ZNF385D: variants seen among roughly 807,000 people sequenced by gnomAD.
ZNF385D encodes the protein zinc finger protein 385D, also known as zinc finger protein 659.
ZNF385D carries 15 observed loss-of-function variants against 35.8 expected under a neutral mutation model. That is an observed-to-expected ratio of 0.42 (90% CI 0.28 to 0.64). The LOEUF is 0.64. Among genes scored for constraint, ZNF385D ranks in the 30% least tolerant of loss-of-function variants. The pLI is 0.23. For missense variants in ZNF385D, 474 were observed against 494.6 expected (o/e 0.96, Z 0.39); for synonymous variants, 212 against 186.8 (o/e 1.13, Z -1.10).
At chr3:22,276,665 C>T (rs1312879693) in intron 2 of ZNF385D, among the ~76,000 whole-genome samples, 1 of 152,118 alleles carries the variant, frequency 6.6e-6, no homozygotes, top group African/African-American at 2.4e-5. Context: ...CAATCATCAT[C>T]ATGCATTTCA....
chr3:21,496,716 C>A (rs192892645), intron 4 of ZNF385D, among the ~76,000 whole-genome samples: 4 of 151,670 alleles, frequency 2.6e-5, no homozygotes, highest in Admixed American at 1.3e-4. Flanking sequence ...ATCAAATAGG[C>A]TTTCTCCCTG....
intron 2 of ZNF385D, among the ~76,000 whole-genome samples, chr3:22,169,636 T>C (rs112506100): frequency 3.4e-3 from 511 of 152,308 alleles, no homozygotes; most frequent in African/African-American, 0.012. Context: ...AGAGAGGCTT[T>C]GAATACCCAA....
rs118116061 is a variant in ZNF385D at position 22,339,629 on chromosome 3, A to G, written c.106+32821T>C. Among the ~76,000 whole-genome samples the G allele has an allele frequency of 4.4e-3, 669 of 152,328 alleles. 10 individuals are homozygous for G. In the East Asian group the frequency reaches 0.053, roughly 12 times the overall value. ...AATAAAGTAGTACCTCTTCCTTGAA[A>G]AGAAAGGCGATTATCCTTGCTACTG... On this transcript the variant is annotated intron_variant, in intron 2 of 5. Transcript: ENST00000494108.
At chr3:21,473,505 G>GTTT (rs2125351923) in intron 4 of ZNF385D, among the ~76,000 whole-genome samples, 1 of 152,134 alleles carries the variant, frequency 6.6e-6, no homozygotes, top group Admixed American at 6.6e-5. Flanking sequence ...GTTGTAGGGT[G>GTTT]TCTCCCTGAT....
At chr3:21,705,441 A>G (rs1387151022) in intron 1 of ZNF385D, among the ~76,000 whole-genome samples, 1 of 152,234 alleles carries the variant, frequency 6.6e-6, no homozygotes, top group African/African-American at 2.4e-5. Context: ...AAAACTGCAA[A>G]TTAGAAACAA....
At chr3:21,511,825 T>C (rs1002929401) in intron 3 of ZNF385D, 1 of 388,958 alleles carries the variant, frequency 2.6e-6, no homozygotes, top group African/African-American at 3.0e-5. Flanking sequence ...CTAAGAGCAT[T>C]TTTTTTTTTT....
intron 3 of ZNF385D, among the ~76,000 whole-genome samples, chr3:22,118,029 T>C (rs1702896815): frequency 6.6e-6 from 1 of 152,094 alleles, no homozygotes; most frequent in African/African-American, 2.4e-5. Context: ...ATAAAACCTG[T>C]GATTTGTAAC....
chr3:21,652,841 C>T (rs997709379), intron 2 of ZNF385D, among the ~76,000 whole-genome samples: 1 of 152,128 alleles, frequency 6.6e-6, no homozygotes, highest in South Asian at 2.1e-4. Context: ...AATACAAAAG[C>T]TATATAGATG....
chr3:21,746,024 A>G (rs1336646049), intron 1 of ZNF385D, among the ~76,000 whole-genome samples: 3 of 152,172 alleles, frequency 2.0e-5, no homozygotes, highest in Non-Finnish European at 4.4e-5. Flanking sequence ...TATTAAGTCT[A>G]TATATATAAC....
At chr3:22,250,158 T>C (rs1000228110) in intron 2 of ZNF385D, among the ~76,000 whole-genome samples, 2 of 152,168 alleles carry the variant, frequency 1.3e-5, no homozygotes, top group African/African-American at 2.4e-5. Context: ...ATTTTATTTA[T>C]ATGTAGCAAA....
intron 2 of ZNF385D, among the ~76,000 whole-genome samples, chr3:22,371,905 GT>G (rs201227828): frequency 1.3e-5 from 2 of 152,068 alleles, no homozygotes; most frequent in African/African-American, 2.4e-5. Flanking sequence ...TGTATCTCAG[GT>G]TTTTTTAAGT....
intron 2 of ZNF385D, among the ~76,000 whole-genome samples, chr3:22,212,638 C>T (rs973176154): frequency 6.6e-5 from 10 of 151,856 alleles, no homozygotes; most frequent in Non-Finnish European, 5.9e-5. Flanking sequence ...AAAGGCCATT[C>T]CTAATGCCAA....
intron 1 of ZNF385D, among the ~76,000 whole-genome samples, chr3:21,719,234 C>T (rs1199526172): frequency 6.6e-6 from 1 of 152,218 alleles, no homozygotes; most frequent in African/African-American, 2.4e-5. Flanking sequence ...CCTCAATCAG[C>T]ATCAGATCCC....
intron 3 of ZNF385D, among the ~76,000 whole-genome samples, chr3:21,783,414 G>C (rs1453115953): frequency 6.6e-6 from 1 of 152,044 alleles, no homozygotes; most frequent in Non-Finnish European, 1.5e-5. Context: ...AGTAGGAGAA[G>C]GGAAACAGCA....
intron 3 of ZNF385D, among the ~76,000 whole-genome samples, chr3:21,805,624 A>G (rs1286750572): frequency 1.3e-5 from 2 of 152,214 alleles, no homozygotes; most frequent in Non-Finnish European, 2.9e-5. Flanking sequence ...GAAATAAAAA[A>G]GCAGAGCAGT....
intron 3 of ZNF385D, among the ~76,000 whole-genome samples, chr3:22,128,285 A>C (rs747739774): frequency 6.6e-6 from 1 of 151,882 alleles, no homozygotes; most frequent in African/African-American, 2.4e-5. Context: ...TTATTTATTT[A>C]TTTCTTTTCT....
At chr3:21,917,555 A>G (rs1448285383) in intron 3 of ZNF385D, among the ~76,000 whole-genome samples, 1 of 152,250 alleles carries the variant, frequency 6.6e-6, no homozygotes, top group Non-Finnish European at 1.5e-5. Flanking sequence ...ATGCTATGAC[A>G]TGAAAAGATT....
At chr3:21,556,138 A>T (rs569545276) in intron 3 of ZNF385D, among the ~76,000 whole-genome samples, 1 of 128,798 alleles carries the variant, frequency 7.8e-6, no homozygotes, top group East Asian at 2.3e-4. Flanking sequence ...TATCAGATGG[A>T]TAGATTGCAA....
At chr3:21,859,559 T>A (rs558300605) in intron 3 of ZNF385D, among the ~76,000 whole-genome samples, 2 of 151,960 alleles carry the variant, frequency 1.3e-5, no homozygotes, top group South Asian at 2.1e-4. Flanking sequence ...GAAAACAGCA[T>A]GTCTCATGCC....
Sources: gnomAD v4.1 joint callset for allele counts (sites outside exome capture counted in the v4.1 genomes callset) on GRCh38, gnomAD v4.1.1 for gene constraint, MANE v1.5 for transcripts, NCBI Gene and HGNC (gene_info 2026-07-23, HGNC 2026-07-21) for gene names.